Variants in CFAP57 observed in about 807,000 individuals in gnomAD.
The protein encoded by CFAP57 is cilia- and flagella-associated protein 57.
A neutral mutation model predicts 146.8 loss-of-function variants in CFAP57; 116 were observed. The ratio of observed to expected loss-of-function variants is 0.79; its 90% CI spans 0.68 to 0.92. The LOEUF (loss-of-function observed/expected upper bound fraction) is 0.92. CFAP57 is among the 40% of genes least tolerant of loss of function. The pLI, the probability that CFAP57 is intolerant of heterozygous loss-of-function variation, is 0.00. For synonymous variants in CFAP57, 518 were observed against 552.8 expected (o/e 0.94, Z 0.88); for missense variants, 1,377 against 1,527.2 (o/e 0.90, Z 1.64).
At chr1:43,174,565 T>A (rs187990193) in intron 2 of CFAP57, among the ~76,000 whole-genome samples, 7 of 152,228 alleles carry the variant, frequency 4.6e-5, no homozygotes, top group Non-Finnish European at 1.0e-4. Context: ...TGCCTGTAAT[T>A]CCAGCACTTT....
At chr1:43,210,481 A>G (rs1348955116) in intron 11 of CFAP57, 1 of 944,898 alleles carries the variant, frequency 1.1e-6, no homozygotes, top group Non-Finnish European at 1.3e-6. Context: ...ACAATGGAAC[A>G]ATACCCTGCC....
chr1:43,233,862 G>A (rs1645575388), intron 19 of CFAP57, among the ~76,000 whole-genome samples: 1 of 152,200 alleles, frequency 6.6e-6, no homozygotes, highest in Non-Finnish European at 1.5e-5. Flanking sequence ...GCTAACACGG[G>A]GGACGTGGAA....
At chr1:43,202,849 A>G (rs910349072) in intron 9 of CFAP57, among the ~76,000 whole-genome samples, 1 of 151,954 alleles carries the variant, frequency 6.6e-6, no homozygotes, top group African/African-American at 2.4e-5. Flanking sequence ...AAATTTTAAT[A>G]TATAGATGAA....
chr1:43,234,504 G>C lies in CFAP57; in HGVS notation c.3271G>C (p.Ala1091Pro). The C allele has an allele frequency of 6.5e-7, 1 of 1,548,488 alleles. No homozygotes were observed. The highest frequency in any genetic ancestry group is 8.7e-7 in the Non-Finnish European group (1 of 1,145,934). Reference protein sequence around the residue: ...YVQRADMVEIAGLNTDLQQEY... With the variant: ...YVQRADMVEIPGLNTDLQQEY... ...TCCTGGGCCCCGTCAGGTGGAGATCGCAGGGCTGAACACAGACCTGCAGCA... is the reference window on the plus strand; with the variant it reads ...TCCTGGGCCCCGTCAGGTGGAGATCCCAGGGCTGAACACAGACCTGCAGCA... Residue 1091 changes from alanine to proline, a missense_variant, in exon 21 of 23, where the codon GCA becomes CCA. Transcript: ENST00000372492.
chr1:43,214,763 T>A (rs1354729714), intron 11 of CFAP57, among the ~76,000 whole-genome samples: 1 of 152,216 alleles, frequency 6.6e-6, no homozygotes, highest in African/African-American at 2.4e-5. Context: ...ACCCAGTTTC[T>A]CTGCATCATT....
chr1:43,219,299 G>A, intron 12 of CFAP57, 83 bp from the exon 13 acceptor site: 1 of 1,401,348 alleles, frequency 7.1e-7, no homozygotes, highest in South Asian at 1.5e-5. Flanking sequence ...AGAGCTGCAG[G>A]TCTCAGGTCA....
At chr1:43,232,387 G>A in intron 18 of CFAP57, 121 bp from the exon 19 acceptor site, 1 of 749,486 alleles carries the variant, frequency 1.3e-6, no homozygotes, top group East Asian at 2.7e-5. Flanking sequence ...CACAGAAGGG[G>A]ATGAGAAAAG....
intron 11 of CFAP57, 64 bp from the exon 12 acceptor site, chr1:43,215,191 C>T: frequency 6.5e-7 from 1 of 1,540,832 alleles, no homozygotes; most frequent in Non-Finnish European, 8.8e-7. Context: ...TGCGCAACAG[C>T]TGGCTCAGCC....
intron 2 of CFAP57, among the ~76,000 whole-genome samples, chr1:43,175,643 C>G (rs1040129418): frequency 2.3e-4 from 35 of 151,940 alleles, no homozygotes; most frequent in African/African-American, 8.5e-4. Flanking sequence ...TCCTGAATAG[C>G]TGGGAATACA....
Position 43,197,610 on chromosome 1 carries a change from G to T in CFAP57, c.1180G>T (p.Gly394Cys). Residue 394 changes from glycine (G) to cysteine (C), a missense_variant, in exon 7 of 23, where the codon GGT becomes TGT. Coordinates refer to ENST00000372492, the MANE Select transcript of CFAP57 (RefSeq NM_001378189.1). ...TCCATTGCACTCAGCACCCATCACCGGTCTAGCTACCTGCATCCGCAAACC... is the reference window on the plus strand; with the variant it reads ...TCCATTGCACTCAGCACCCATCACCTGTCTAGCTACCTGCATCCGCAAACC... ...MYPLHSAPIT[G>C]LATCIRKPLI... 1 of 1,614,022 alleles carries T rather than the reference G, an allele frequency of 6.2e-7. No homozygotes were observed. Among genetic ancestry groups the T allele is most frequent in the Non-Finnish European group, 8.5e-7 (1 of 1,180,026 alleles).
intron 17 of CFAP57, among the ~76,000 whole-genome samples, chr1:43,225,260 C>A (rs1316121668): frequency 1.3e-5 from 2 of 152,196 alleles, no homozygotes; most frequent in Non-Finnish European, 2.9e-5. Context: ...TGCTGCCACT[C>A]TCCTGCTCAA....
chr1:43,202,428 C>T (rs1000958216), intron 9 of CFAP57, among the ~76,000 whole-genome samples: 3 of 151,974 alleles, frequency 2.0e-5, no homozygotes, highest in African/African-American at 7.3e-5. Context: ...TGTGGAGATA[C>T]CAACAACCAA....
In CFAP57 at chr1:43,197,412, G is replaced by A; in HGVS notation, c.1123-141G>A. ...TAATAATATTGGCTCAGGAAAATAT[G>A]CATAATATTCAAACAGTTTAGCCAC... is the stretch of plus-strand genomic sequence containing the variant. On this transcript the variant is annotated intron_variant, in intron 6 of 22. Coordinates refer to ENST00000372492, the MANE Select transcript of CFAP57 (RefSeq NM_001378189.1). The A allele has an allele frequency of 5.8e-6, 5 of 859,924 alleles. No individual in the cohort carries two copies. In the East Asian group the frequency reaches 1.0e-4, roughly 17 times the overall value. The allele number at this position is 859,924 out of a possible 1,614,324, so 53.3% of individuals were successfully genotyped here.
At chr1:43,233,719 T>C (rs1645568951) in intron 19 of CFAP57, among the ~76,000 whole-genome samples, 1 of 152,074 alleles carries the variant, frequency 6.6e-6, no homozygotes, top group South Asian at 2.1e-4. Context: ...AGAAATGACT[T>C]TCTCTAGGTC....
At chr1:43,196,783 AG>A (rs1189280229) in intron 6 of CFAP57, among the ~76,000 whole-genome samples, 1 of 152,224 alleles carries the variant, frequency 6.6e-6, no homozygotes, top group African/African-American at 2.4e-5. Flanking sequence ...TAATTAGTGC[AG>A]TCTCTCCAGA....
At chr1:43,194,851 T>C (rs546740336) in intron 6 of CFAP57, 1 of 152,232 alleles carries the variant, frequency 6.6e-6, no homozygotes, top group East Asian at 1.9e-4. Context: ...ATATCATTTC[T>C]ACCTTTACTT....
chr1:43,238,646 G>A lies in CFAP57; in HGVS notation c.3405+4008G>A, dbSNP rs1196601171. Reference sequence around the variant, plus strand: ...AACGGTCGACCTCAATGTGACCTCGGGACCCCTCGGAACACAGGCCACCCC... The same window carrying A: ...AACGGTCGACCTCAATGTGACCTCGAGACCCCTCGGAACACAGGCCACCCC... On this transcript the variant is annotated intron_variant, in intron 21 of 22. Coordinates refer to ENST00000372492, the MANE Select transcript of CFAP57 (RefSeq NM_001378189.1). The surrounding 1 kb of genome is among the most constrained non-coding windows in gnomAD (Gnocchi z 4.3). Among the ~76,000 whole-genome samples, 1 of 152,128 alleles carries A rather than the reference G, an allele frequency of 6.6e-6. No homozygotes were observed. Among genetic ancestry groups the A allele is most frequent in the Non-Finnish European group, 1.5e-5 (1 of 68,032 alleles).
chr1:43,234,505 C>G lies in CFAP57; in HGVS notation c.3272C>G (p.Ala1091Gly), dbSNP rs764568140. The G allele has an allele frequency of 2.6e-6, 4 of 1,549,100 alleles. No homozygotes were observed. The South Asian group carries it at 4.8e-5, about 18-fold the overall frequency. Residue 1091 changes from alanine (A) to glycine (G), a missense_variant, in exon 21 of 23, where the codon GCA (alanine) becomes GGA (glycine). Physicochemically the swap from Ala to Gly is moderately conservative, Grantham distance 60. Transcript: ENST00000372492. ...CCTGGGCCCCGTCAGGTGGAGATCG[C>G]AGGGCTGAACACAGACCTGCAGCAG... ...YVQRADMVEI[A>G]GLNTDLQQEY...
chr1:43,242,453 T>TTGGATGGA lies in CFAP57; in HGVS notation c.3406-752_3406-745dup, dbSNP rs56071451. ...AAACATTTATTAGATGAATGGTTGG[T>TTGGATGGA]TGGATGGATGGATGGATGGATGGAT... On this transcript the variant is annotated intron_variant, in intron 21 of 22. Coordinates refer to ENST00000372492, the MANE Select transcript of CFAP57 (RefSeq NM_001378189.1). Among the ~76,000 whole-genome samples the TTGGATGGA allele has an allele frequency of 6.6e-3, 1,008 of 151,584 alleles. 9 individuals carry two copies. The highest frequency in any genetic ancestry group is 8.4e-3 in the Non-Finnish European group (572 of 67,774).
Sources: gnomAD v4.1 joint callset for allele counts (sites outside exome capture counted in the v4.1 genomes callset) on GRCh38, gnomAD v4.1.1 for gene constraint, Gnocchi (gnomAD v3.1) non-coding constraint, MANE v1.5 for transcripts, NCBI Gene and HGNC (gene_info 2026-07-23, HGNC 2026-07-21) for gene names.